Variants in GPC6 observed in about 807,000 individuals in gnomAD.
GPC6 encodes the protein glypican-6.
A neutral mutation model predicts 55.2 loss-of-function variants in GPC6; 14 were observed. That is an observed-to-expected ratio of 0.25 (90% CI 0.17 to 0.40). GPC6 has a LOEUF of 0.40. Among genes scored for constraint, GPC6 ranks in the 10% least tolerant of loss-of-function variants. The probability of loss-of-function intolerance (pLI) is 1.00; values close to 1 mark genes in which losing one functional copy is unlikely to be tolerated. For missense variants in GPC6, 641 were observed against 708.5 expected, an observed-to-expected ratio of 0.90 and a Z score of 1.08; for synonymous variants, 278 against 259.6, an observed-to-expected ratio of 1.07 and a Z score of -0.68.
upstream of GPC6, among the ~76,000 whole-genome samples, chr13:93,225,515 T>TGA (rs1193584063): frequency 2.0e-5 from 2 of 98,354 alleles, no homozygotes; most frequent in Admixed American, 1.0e-4. Flanking sequence ...TTTGTTTTTT[T>TGA]TTTTTTTGGT....
At chr13:94,071,076 A>G (rs10851346) in intron 4 of GPC6, among the ~76,000 whole-genome samples, 41,725 of 152,080 alleles carry the variant, frequency 0.27, 6,697 homozygotes, top group Middle Eastern at 0.42. Flanking sequence ...AAGTGAAGGA[A>G]TAATTTCATT....
chr13:93,491,987 T>C (rs1450687655), intron 1 of GPC6, among the ~76,000 whole-genome samples: 3 of 134,184 alleles, frequency 2.2e-5, no homozygotes, highest in African/African-American at 5.8e-5. Context: ...TGGCTTAGGA[T>C]TGACTTGGCG....
At chr13:93,690,520 AT>A (rs143715045) in intron 2 of GPC6, among the ~76,000 whole-genome samples, 1,623 of 149,490 alleles carry the variant, frequency 0.011, 27 homozygotes, top group East Asian at 0.04. Context: ...TGATTTTTTA[AT>A]TTTTTTTTTA....
At chr13:94,074,786 T>G (rs1015201851) in intron 4 of GPC6, among the ~76,000 whole-genome samples, 4 of 152,218 alleles carry the variant, frequency 2.6e-5, no homozygotes, top group Admixed American at 1.3e-4. Flanking sequence ...TAACCATGAC[T>G]GAAACAAAAG....
At chr13:93,663,397 C>T (rs1326649598) in intron 2 of GPC6, among the ~76,000 whole-genome samples, 1 of 152,078 alleles carries the variant, frequency 6.6e-6, no homozygotes, top group Non-Finnish European at 1.5e-5. Flanking sequence ...ATAATAAATT[C>T]CTTTTTAAAT....
At chr13:93,328,254 T>A (rs1879723653) in intron 1 of GPC6, among the ~76,000 whole-genome samples, 1 of 152,152 alleles carries the variant, frequency 6.6e-6, no homozygotes, top group Non-Finnish European at 1.5e-5. Flanking sequence ...AACTCTTGTT[T>A]CTCCAGTAAT....
In GPC6 at chr13:93,257,616, C is replaced by T. The variant is rs75110142; in HGVS notation, c.160+30000C>T. 4.6e-3 allele frequency among the ~76,000 whole-genome samples: 702 copies of T among 152,222 alleles called. 6 individuals are homozygous for T. Among genetic ancestry groups the T allele is most frequent in the African/African-American group, 0.016 (647 of 41,536 alleles). ...ATTGTTTTAAACTCTTGTAGTATCTCGCATAATCCTTACATCATCTTTTCA... is the reference window on the plus strand; with the variant it reads ...ATTGTTTTAAACTCTTGTAGTATCTTGCATAATCCTTACATCATCTTTTCA... On this transcript the variant is annotated intron_variant, in intron 1 of 8. Coordinates refer to ENST00000377047, the MANE Select transcript of GPC6 (RefSeq NM_005708.5).
Position 93,571,058 on chromosome 13 carries a change from A to G in GPC6, c.319+25637A>G, listed in dbSNP as rs546518114. On this transcript the variant is annotated intron_variant, in intron 2 of 8. Coordinates refer to ENST00000377047, the MANE Select transcript of GPC6 (RefSeq NM_005708.5). ...ATATATATATATTTTTTAATTGTGA[A>G]ATTCTAATCAAGCATTTGAGTCACC... Among the ~76,000 whole-genome samples the G allele has an allele frequency of 3.9e-5, 6 of 152,096 alleles. 1 individual carries two copies. The highest frequency in any genetic ancestry group is 1.4e-4 in the African/African-American group (6 of 41,504).
intron 4 of GPC6, among the ~76,000 whole-genome samples, chr13:94,161,081 G>A (rs1377190106): frequency 6.6e-6 from 1 of 152,186 alleles, no homozygotes. Context: ...GATGAGTTAA[G>A]ATGTTTGTTT....
At chr13:93,242,198 G>T (rs1164986821) in intron 1 of GPC6, among the ~76,000 whole-genome samples, 1 of 152,142 alleles carries the variant, frequency 6.6e-6, no homozygotes, top group East Asian at 1.9e-4. Context: ...CCACAATGGT[G>T]AGCACACATC....
intron 2 of GPC6, among the ~76,000 whole-genome samples, chr13:93,798,334 A>G (rs147094967): frequency 1.3e-5 from 2 of 152,212 alleles, no homozygotes; most frequent in African/African-American, 2.4e-5. Context: ...TATAAATGAC[A>G]TGAAGTATTT....
At chr13:93,716,295 G>A (rs2138816038) in intron 2 of GPC6, among the ~76,000 whole-genome samples, 2 of 151,646 alleles carry the variant, frequency 1.3e-5, no homozygotes, top group East Asian at 3.9e-4. Flanking sequence ...AGCAGCCTTA[G>A]GCAGGTCCTT....
At chr13:94,339,289 T>C (rs1877892471) in intron 6 of GPC6, among the ~76,000 whole-genome samples, 1 of 152,138 alleles carries the variant, frequency 6.6e-6, no homozygotes, top group Non-Finnish European at 1.5e-5. Flanking sequence ...GGTCTTGAAC[T>C]CCTGAGCTCA....
chr13:94,169,201 G>C lies in GPC6; in HGVS notation c.878-117148G>C, dbSNP rs148012475. Among the ~76,000 whole-genome samples, 1,071 of 152,312 alleles carry C rather than the reference G, an allele frequency of 7.0e-3. 7 individuals are homozygous for C. Among genetic ancestry groups the C allele is most frequent in the Non-Finnish European group, 0.011 (777 of 68,012 alleles). ...TTAAAAGAAAAGCAACAGCTTTCAA[G>C]AAATGATTTCCTCTGTTGATGCAGT... On this transcript the variant is annotated intron_variant, in intron 4 of 8. Coordinates refer to ENST00000377047, the MANE Select transcript of GPC6 (RefSeq NM_005708.5).
intron 4 of GPC6, among the ~76,000 whole-genome samples, chr13:94,049,034 G>T (rs1475516084): frequency 6.6e-6 from 1 of 151,946 alleles, no homozygotes; most frequent in African/African-American, 2.4e-5. Flanking sequence ...CTTGAACCCA[G>T]GAATTTGAGA....
chr13:93,925,631 A>G (rs1037954386), intron 3 of GPC6, among the ~76,000 whole-genome samples: 7 of 152,208 alleles, frequency 4.6e-5, no homozygotes, highest in African/African-American at 1.7e-4. Flanking sequence ...GTAACAAACT[A>G]TCCCAAAACT....
chr13:93,904,887 T>G (rs1376814058), intron 3 of GPC6, among the ~76,000 whole-genome samples: 3 of 151,878 alleles, frequency 2.0e-5, no homozygotes, highest in African/African-American at 7.3e-5. Flanking sequence ...TAACTCGTCA[T>G]CTAGCATTAG....
chr13:93,647,820 C>A (rs1296134042), intron 2 of GPC6, among the ~76,000 whole-genome samples: 1 of 152,158 alleles, frequency 6.6e-6, no homozygotes, highest in Non-Finnish European at 1.5e-5. Context: ...CATAGCCTGG[C>A]TCTCTCTGTC....
At chr13:94,386,369 AAAAG>A (rs1388345027) in intron 7 of GPC6, among the ~76,000 whole-genome samples, 5 of 151,260 alleles carry the variant, frequency 3.3e-5, no homozygotes, top group African/African-American at 1.2e-4. Context: ...CAAAAAAAAA[AAAAG>A]AAAAGAAAAG....
Sources: gnomAD v4.1 joint callset for allele counts (sites outside exome capture counted in the v4.1 genomes callset) on GRCh38, gnomAD v4.1.1 for gene constraint, MANE v1.5 for transcripts, NCBI Gene and HGNC (gene_info 2026-07-23, HGNC 2026-07-21) for gene names.